RAD51B: variants seen among roughly 807,000 people sequenced by gnomAD.
RAD51B encodes DNA repair protein RAD51 homolog 2.
A neutral mutation model predicts 42.2 loss-of-function variants in RAD51B; 38 were observed. The observed-to-expected ratio is 0.90, with a 90% CI of 0.70 to 1.18. The LOEUF (loss-of-function observed/expected upper bound fraction) is 1.18. Ranked by LOEUF, RAD51B falls within the 50% of genes most tolerant of loss-of-function variation. RAD51B has a pLI of 0.00. For synonymous variants in RAD51B, 154 were observed against 145.2 expected, an observed-to-expected ratio of 1.06 and a Z score of -0.43; for missense variants, 373 against 400.7, an observed-to-expected ratio of 0.93 and a Z score of 0.59.
chr14:68,436,357 C>A (rs777944414), intron 9 of RAD51B, among the ~76,000 whole-genome samples: 31 of 152,128 alleles, frequency 2.0e-4, no homozygotes, highest in Non-Finnish European at 4.0e-4. Flanking sequence ...TCTGAATTCT[C>A]TATTCTGTTC....
intron 5 of RAD51B, among the ~76,000 whole-genome samples, chr14:67,869,653 A>G (rs2042453746): frequency 6.6e-6 from 1 of 152,116 alleles, no homozygotes; most frequent in South Asian, 2.1e-4. Context: ...CCAAAGTTGA[A>G]ATGAAGGAAA....
In RAD51B at chr14:68,412,951, T is replaced by G. The variant is rs1418827013; in HGVS notation, c.957+1424T>G. Among the ~76,000 whole-genome samples the G allele has an allele frequency of 2.0e-5, 3 of 152,348 alleles. No homozygotes were observed. In the East Asian group the frequency reaches 5.8e-4, roughly 29 times the overall value. On this transcript the variant is annotated intron_variant, in intron 9 of 10. Transcript: ENST00000471583. Reference sequence around the variant, plus strand: ...TCCTTGTGAATCAATGTTGAGTCATTCGTTTTCATGGATCCTTGATCCCAC... The same window carrying G: ...TCCTTGTGAATCAATGTTGAGTCATGCGTTTTCATGGATCCTTGATCCCAC...
At chr14:68,390,903 C>T (rs1334072308) in intron 8 of RAD51B, among the ~76,000 whole-genome samples, 6 of 152,094 alleles carry the variant, frequency 3.9e-5, no homozygotes, top group Non-Finnish European at 7.4e-5. Context: ...TAATGCAGTC[C>T]CTGGTAGGAT....
In RAD51B at chr14:67,996,850, T is replaced by A. The variant is rs1376400397; in HGVS notation, c.756+109646T>A. On this transcript the variant is annotated intron_variant, in intron 7 of 10. Coordinates refer to ENST00000471583, the MANE Select transcript of RAD51B (RefSeq NM_133510.4). ...TTGGAATATTTCAATCAAGAGAAGG[T>A]AGCTTAGACAGAGTGGTCAGTGACA... 2.0e-5 allele frequency among the ~76,000 whole-genome samples: 3 copies of A among 152,182 alleles called. No homozygotes were observed. In the East Asian group the frequency reaches 5.8e-4, roughly 29 times the overall value.
At chr14:68,168,673 A>G (rs1434953279) in intron 7 of RAD51B, among the ~76,000 whole-genome samples, 1 of 152,188 alleles carries the variant, frequency 6.6e-6, no homozygotes, top group East Asian at 1.9e-4. Flanking sequence ...AAAGAGGTCT[A>G]TAAATCTTAA....
intron 10 of RAD51B, among the ~76,000 whole-genome samples, chr14:68,605,392 CGA>C (rs1002478095): frequency 6.6e-6 from 1 of 152,214 alleles, no homozygotes; most frequent in African/African-American, 2.4e-5. Flanking sequence ...AGAGTACACT[CGA>C]ACAAAGGAGG....
chr14:68,055,583 T>G (rs1438369185), intron 7 of RAD51B, among the ~76,000 whole-genome samples: 1 of 152,216 alleles, frequency 6.6e-6, no homozygotes, highest in Non-Finnish European at 1.5e-5. Context: ...TTACTGATCT[T>G]GTGCCATGTA....
intron 8 of RAD51B, among the ~76,000 whole-genome samples, chr14:68,301,896 C>T (rs2081749085): frequency 6.6e-6 from 1 of 152,186 alleles, no homozygotes; most frequent in Admixed American, 6.5e-5. Context: ...TGCGCTTGGC[C>T]AGAATGTAAG....
chr14:67,961,193 G>T (rs1310158587), intron 7 of RAD51B, among the ~76,000 whole-genome samples: 4 of 150,662 alleles, frequency 2.7e-5, no homozygotes, highest in East Asian at 4.0e-4. Flanking sequence ...TTTTATAGAG[G>T]CAGAGTCTCG....
intron 7 of RAD51B, among the ~76,000 whole-genome samples, chr14:67,992,778 A>G (rs1290380229): frequency 6.6e-6 from 1 of 151,924 alleles, no homozygotes; most frequent in Admixed American, 6.6e-5. Context: ...AGGAAGCATT[A>G]TTTATATTTG....
chr14:68,268,493 G>T (rs188540236), intron 7 of RAD51B, among the ~76,000 whole-genome samples: 47 of 152,268 alleles, frequency 3.1e-4, no homozygotes, highest in Middle Eastern at 3.4e-3. Context: ...TCTTATAGGG[G>T]GTAATAGTGG....
At chr14:68,335,142 C>T (rs900130434) in intron 8 of RAD51B, among the ~76,000 whole-genome samples, 21 of 149,770 alleles carry the variant, frequency 1.4e-4, no homozygotes, top group Non-Finnish European at 3.0e-5. Flanking sequence ...ACTAAAAATA[C>T]AAAAATTAGC....
chr14:68,227,255 C>G (rs1273560189), intron 7 of RAD51B, among the ~76,000 whole-genome samples: 2 of 152,192 alleles, frequency 1.3e-5, no homozygotes, highest in African/African-American at 4.8e-5. Flanking sequence ...CTTTCTCTCC[C>G]TCCAGGCCCC....
At chr14:68,388,181 C>G (rs2083650038) in intron 8 of RAD51B, among the ~76,000 whole-genome samples, 1 of 151,322 alleles carries the variant, frequency 6.6e-6, no homozygotes, top group Non-Finnish European at 1.5e-5. Context: ...GCAACCTCTG[C>G]CTCCCTGGTT....
intron 8 of RAD51B, among the ~76,000 whole-genome samples, chr14:68,368,961 G>A (rs968306143): frequency 6.6e-6 from 1 of 152,162 alleles, no homozygotes; most frequent in African/African-American, 2.4e-5. Flanking sequence ...CCGGAATCTG[G>A]TTATGGTCGT....
At chr14:68,483,469 A>C (rs185660503) in intron 10 of RAD51B, among the ~76,000 whole-genome samples, 1 of 152,152 alleles carries the variant, frequency 6.6e-6, no homozygotes, top group African/African-American at 2.4e-5. Flanking sequence ...TTCAGACACA[A>C]GTAACTCTGG....
At chr14:67,982,259 C>A (rs529578591) in intron 7 of RAD51B, among the ~76,000 whole-genome samples, 18 of 152,094 alleles carry the variant, frequency 1.2e-4, no homozygotes, top group Admixed American at 9.2e-4. Flanking sequence ...TAAATATGTG[C>A]AGCTTTTTAT....
At chr14:68,629,598 TGAAGGAG>T (rs1347155531) in intron 10 of RAD51B, among the ~76,000 whole-genome samples, 1 of 152,160 alleles carries the variant, frequency 6.6e-6, no homozygotes, top group Non-Finnish European at 1.5e-5. Flanking sequence ...CCAGGGCAGG[TGAAGGAG>T]GAACTGGCTT....
intron 11 of RAD51B, among the ~76,000 whole-genome samples, chr14:68,661,878 CTCTT>C (rs1305264156): frequency 6.6e-6 from 1 of 152,228 alleles, no homozygotes; most frequent in South Asian, 2.1e-4. Flanking sequence ...TCTTTGTACT[CTCTT>C]TCTGTCCTCC....
Sources: allele counts gnomAD v4.1 joint callset (sites outside exome capture counted in the v4.1 genomes callset), GRCh38; gene constraint gnomAD v4.1.1; transcripts MANE v1.5; gene names NCBI Gene and HGNC (gene_info 2026-07-23, HGNC 2026-07-21).